The following PTCHD4 variants were observed in gnomAD, a reference collection of about 807,000 sequenced individuals.
PTCHD4 encodes the protein patched domain-containing protein 4.
A neutral mutation model predicts 58.1 loss-of-function variants in PTCHD4; 33 were observed. The ratio of observed to expected loss-of-function variants is 0.57; its 90% confidence interval spans 0.43 to 0.76. PTCHD4 has a LOEUF of 0.76. Ranked by LOEUF, PTCHD4 falls within the 30% of genes least tolerant of loss-of-function variation. The pLI is 0.00. For missense variants in PTCHD4, 1,058 were observed against 1,027.1 expected (o/e 1.03, Z -0.41); for synonymous variants, 478 against 409.6 (o/e 1.17, Z -2.02).
intron 1 of PTCHD4, among the ~76,000 whole-genome samples, chr6:48,101,897 G>A (rs535199247): frequency 1.3e-5 from 2 of 152,248 alleles, no homozygotes; most frequent in East Asian, 3.9e-4. Flanking sequence ...AAGGGATTGG[G>A]AGAGAGATGA....
At chr6:47,963,208 G>C (rs371504258) in intron 4 of PTCHD4, among the ~76,000 whole-genome samples, 1 of 151,422 alleles carries the variant, frequency 6.6e-6, no homozygotes, top group South Asian at 2.1e-4. Context: ...ATTCCTAAAA[G>C]AATAAACACA....
chr6:48,111,179 G>A lies in PTCHD4; in HGVS notation c.-1100C>T, dbSNP rs998099278. On this transcript the variant is annotated 5_prime_UTR_variant, in exon 1 of 5. Transcript: ENST00000339488. ...TTGGTAGTGGCTGCATCCCTCTACC[G>A]ATGGCCAGACTTCTCACTGGGCAAG... Among the ~76,000 whole-genome samples, 5 of 152,034 alleles carry A rather than the reference G, an allele frequency of 3.3e-5. No individual in the cohort carries two copies. The highest frequency in any genetic ancestry group is 7.4e-5 in the Non-Finnish European group (5 of 68,010).
rs553946967 is a variant in PTCHD4 at position 47,874,079 on chromosome 6, G to T, written c.*4224C>A. ...TCAGTCTCATGGCATTGTATTTTCT[G>T]CTTCACCATAAGATTAGCAAACACA... is the stretch of plus-strand genomic sequence containing the variant. On this transcript the variant is annotated 3_prime_UTR_variant, in exon 5 of 5. Transcript: ENST00000339488. Among the ~76,000 whole-genome samples the T allele has an allele frequency of 6.6e-6, 1 of 151,774 alleles. No homozygotes were observed. Among genetic ancestry groups the T allele is most frequent in the African/African-American group, 2.4e-5 (1 of 41,444 alleles).
chr6:47,986,786 T>C (rs1768080679), intron 4 of PTCHD4, among the ~76,000 whole-genome samples: 1 of 152,196 alleles, frequency 6.6e-6, no homozygotes, highest in African/African-American at 2.4e-5. Flanking sequence ...TCTTCTCCCA[T>C]AATGTGCATA....
intron 4 of PTCHD4, among the ~76,000 whole-genome samples, chr6:47,938,837 T>C (rs1048173664): frequency 7.2e-5 from 11 of 152,050 alleles, no homozygotes; most frequent in Non-Finnish European, 1.6e-4. Context: ...AAGGGAGTGA[T>C]TATAATAATT....
At chr6:48,090,933 T>C (rs114813250) in intron 1 of PTCHD4, among the ~76,000 whole-genome samples, 1,583 of 152,328 alleles carry the variant, frequency 0.01, 36 homozygotes, top group African/African-American at 0.036. Flanking sequence ...TGTGGCAAAG[T>C]TTTCAGTTTC....
At chr6:48,096,290 G>T (rs959486203) in intron 1 of PTCHD4, among the ~76,000 whole-genome samples, 6 of 152,000 alleles carry the variant, frequency 3.9e-5, no homozygotes, top group African/African-American at 1.5e-4. Flanking sequence ...ACACATAAGG[G>T]GACACAGTAA....
intron 3 of PTCHD4, among the ~76,000 whole-genome samples, chr6:48,020,495 G>GT (rs1055302216): frequency 1.3e-5 from 2 of 149,894 alleles, no homozygotes; most frequent in African/African-American, 4.9e-5. Flanking sequence ...AGTAATTGCG[G>GT]TTTTTGCTAC....
intron 4 of PTCHD4, among the ~76,000 whole-genome samples, chr6:47,947,051 T>A (rs544023164): frequency 2.6e-5 from 4 of 152,226 alleles, no homozygotes; most frequent in Admixed American, 2.0e-4. Flanking sequence ...TCTAGGCTGG[T>A]CTGAGACTCC....
chr6:48,093,157 C>T (rs9463370), intron 1 of PTCHD4, among the ~76,000 whole-genome samples: 83 of 152,258 alleles, frequency 5.5e-4, no homozygotes, highest in African/African-American at 1.9e-3. Context: ...AGCATTAATT[C>T]TTGCAGGATT....
intron 1 of PTCHD4, among the ~76,000 whole-genome samples, chr6:48,098,102 T>G (rs1249924887): frequency 6.6e-6 from 1 of 152,122 alleles, no homozygotes; most frequent in Non-Finnish European, 1.5e-5. Flanking sequence ...CAAACTGGCA[T>G]TCCTGGACAT....
chr6:48,023,384 A>G (rs574370234), intron 3 of PTCHD4, among the ~76,000 whole-genome samples: 1 of 152,282 alleles, frequency 6.6e-6, no homozygotes, highest in East Asian at 1.9e-4. Context: ...TGCAATAGAG[A>G]AAAATATTAA....
At chr6:47,908,100 A>T (rs566540317) in intron 4 of PTCHD4, among the ~76,000 whole-genome samples, 1 of 152,260 alleles carries the variant, frequency 6.6e-6, no homozygotes, top group Non-Finnish European at 1.5e-5. Flanking sequence ...AGTAGCCCAC[A>T]CACAAAGCAG....
At chr6:48,020,379 G>A (rs1763023205) in intron 3 of PTCHD4, among the ~76,000 whole-genome samples, 1 of 151,986 alleles carries the variant, frequency 6.6e-6, no homozygotes, top group South Asian at 2.1e-4. Flanking sequence ...GGGATTCTTG[G>A]AAAAAATTTA....
At chr6:48,064,278 G>A (rs1018095107) in intron 3 of PTCHD4, among the ~76,000 whole-genome samples, 2 of 152,134 alleles carry the variant, frequency 1.3e-5, no homozygotes, top group East Asian at 3.8e-4. Flanking sequence ...GGGGACATAT[G>A]AGAATTGTTG....
intron 4 of PTCHD4, among the ~76,000 whole-genome samples, chr6:47,937,744 T>A (rs192871152): frequency 3.3e-5 from 5 of 152,058 alleles, no homozygotes; most frequent in East Asian, 3.9e-4. Context: ...AAGAACTGAG[T>A]CTAAGGCACT....
Position 48,058,274 on chromosome 6 carries a change from G to T in PTCHD4, c.417+9956C>A, listed in dbSNP as rs115046077. Among the ~76,000 whole-genome samples the T allele has an allele frequency of 4.4e-3, 663 of 152,354 alleles. 14 individuals are homozygous for T. The highest frequency in any genetic ancestry group is 0.016 in the African/African-American group (647 of 41,586). The stretch of plus-strand genomic sequence containing the variant: ...AGTGTTTCAGCAGATCCCGAATTAG[G>T]TCTGAAAATTTGCATTTCTAACAAG... On this transcript the variant is annotated intron_variant, in intron 3 of 4. Coordinates refer to ENST00000339488, the MANE Select transcript of PTCHD4 (RefSeq NM_001384253.1).
chr6:47,926,205 C>G (rs2069278391), intron 4 of PTCHD4, among the ~76,000 whole-genome samples: 1 of 152,146 alleles, frequency 6.6e-6, no homozygotes, highest in Non-Finnish European at 1.5e-5. Flanking sequence ...TCTAGGTTGA[C>G]AGTGGCCAAT....
At chr6:47,945,153 A>G (rs1766370005) in intron 4 of PTCHD4, among the ~76,000 whole-genome samples, 2 of 152,100 alleles carry the variant, frequency 1.3e-5, no homozygotes. Flanking sequence ...TACTATAATC[A>G]TTAGGTACAA....
Sources: allele counts gnomAD v4.1 joint callset (sites outside exome capture counted in the v4.1 genomes callset), GRCh38; gene constraint gnomAD v4.1.1; transcripts MANE v1.5; gene names NCBI Gene and HGNC (gene_info 2026-07-23, HGNC 2026-07-21).